The following PTPRM variants were observed in gnomAD, a reference collection of about 807,000 sequenced individuals.
PTPRM encodes the protein protein tyrosine phosphatase receptor type M.
Under a neutral mutation model 186.7 loss-of-function variants are expected in PTPRM, and 47 were observed. The ratio of observed to expected loss-of-function variants is 0.25; its 90% confidence interval spans 0.20 to 0.32. PTPRM has a LOEUF of 0.32. Among genes scored for constraint, PTPRM ranks in the 10% least tolerant of loss-of-function variants. The pLI, the probability that PTPRM is intolerant of heterozygous loss-of-function variation, is 1.00. For missense variants in PTPRM, 1,494 were observed against 1,865.0 expected, an observed-to-expected ratio of 0.80 and a Z score of 3.66; for synonymous variants, 668 against 674.9, an observed-to-expected ratio of 0.99 and a Z score of 0.16.
intron 20 of PTPRM, among the ~76,000 whole-genome samples, chr18:8,306,054 C>T (rs2095218415): frequency 6.6e-6 from 1 of 152,098 alleles, no homozygotes; most frequent in Non-Finnish European, 1.5e-5. Flanking sequence ...CGCATCACCA[C>T]ACCTGGCTAA....
At chr18:7,767,659 T>G (rs1282060640) in intron 1 of PTPRM, among the ~76,000 whole-genome samples, 1 of 152,170 alleles carries the variant, frequency 6.6e-6, no homozygotes, top group Non-Finnish European at 1.5e-5. Flanking sequence ...TTTATTTTCA[T>G]AAATCAAGAA....
chr18:7,710,432 C>T (rs2040187992), intron 1 of PTPRM, among the ~76,000 whole-genome samples: 1 of 152,120 alleles, frequency 6.6e-6, no homozygotes, highest in East Asian at 1.9e-4. Flanking sequence ...AACCCACAGC[C>T]AACATCATAT....
At chr18:8,304,821 A>ATT (rs34216473) in intron 20 of PTPRM, among the ~76,000 whole-genome samples, 17 of 131,322 alleles carry the variant, frequency 1.3e-4, no homozygotes, top group African/African-American at 4.3e-4. Flanking sequence ...TGTTGACTTT[A>ATT]TTTTTTTTTT....
intron 1 of PTPRM, among the ~76,000 whole-genome samples, chr18:7,590,032 T>C (rs533339085): frequency 9.9e-5 from 15 of 152,168 alleles, no homozygotes; most frequent in Non-Finnish European, 1.5e-4. Flanking sequence ...GGTGTTGTTA[T>C]CTTATTACAT....
chr18:8,190,946 C>T (rs981928534), intron 14 of PTPRM, among the ~76,000 whole-genome samples: 2 of 152,190 alleles, frequency 1.3e-5, no homozygotes, highest in Non-Finnish European at 2.9e-5. Context: ...TTAGCAGTTA[C>T]AGACTTGCAT....
chr18:8,348,954 G>C (rs1168041717), intron 23 of PTPRM, among the ~76,000 whole-genome samples: 1 of 152,112 alleles, frequency 6.6e-6, no homozygotes, highest in Non-Finnish European at 1.5e-5. Context: ...TCACAGTAGG[G>C]GATGGGAAGA....
intron 1 of PTPRM, among the ~76,000 whole-genome samples, chr18:7,675,241 C>T (rs975515129): frequency 6.6e-6 from 1 of 152,020 alleles, no homozygotes; most frequent in Non-Finnish European, 1.5e-5. Flanking sequence ...TTCGTTAGGG[C>T]CTTCCTTCTT....
chr18:7,943,533 C>T (rs1446449006), intron 5 of PTPRM, among the ~76,000 whole-genome samples: 1 of 152,170 alleles, frequency 6.6e-6, no homozygotes, highest in East Asian at 1.9e-4. Context: ...CATTGGCATC[C>T]TATTGCTGCT....
intron 1 of PTPRM, among the ~76,000 whole-genome samples, chr18:7,661,241 C>A (rs914324704): frequency 3.9e-5 from 6 of 152,130 alleles, no homozygotes; most frequent in Admixed American, 2.6e-4. Flanking sequence ...ATTCATATTA[C>A]GAGCTAATGT....
At chr18:7,738,867 A>AT (rs1228476422) in intron 1 of PTPRM, among the ~76,000 whole-genome samples, 1 of 151,994 alleles carries the variant, frequency 6.6e-6, no homozygotes, top group East Asian at 1.9e-4. Flanking sequence ...TATCTCATCG[A>AT]TTTGCTGAGC....
At position 8,205,029 on chromosome 18, in the gene PTPRM, A is replaced by T. The variant is rs1485893967; in HGVS notation, c.2301-39029A>T. The stretch of plus-strand genomic sequence containing the variant: ...TTTATTGCGTTTCTCTTACACTGTT[A>T]AACAAAATATTGTGTGGCTAAATGA... On this transcript the variant is annotated intron_variant, in intron 14 of 32. Coordinates refer to ENST00000580170, the MANE Select transcript of PTPRM (RefSeq NM_001105244.2). 2.6e-5 allele frequency among the ~76,000 whole-genome samples: 4 copies of T among 152,316 alleles called. No individual in the cohort carries two copies. The East Asian group carries it at 7.7e-4, about 29-fold the overall frequency.
chr18:8,378,322 T>C lies in PTPRM; in HGVS notation c.3520T>C (p.Ser1174Pro). 1 of 1,613,084 alleles carries C rather than the reference T, an allele frequency of 6.2e-7. No homozygotes were observed. Among genetic ancestry groups the C allele is most frequent in the Non-Finnish European group, 8.5e-7 (1 of 1,179,036 alleles). The change falls in exon 27 of 33, where the codon TCT (serine) becomes CCT (proline). Residue 1174 changes from serine to proline, a missense_variant. Physicochemically the swap from Ser to Pro is moderately conservative, Grantham distance 74. Coordinates refer to ENST00000580170, the MANE Select transcript of PTPRM (RefSeq NM_001105244.2). The stretch of plus-strand genomic sequence containing the variant: ...GGAAGCCTGTCTTTGTGGGGACACC[T>C]CTGTGCCTGCTTCCCAAGTTAGGTC... The part of the protein sequence containing the change: ...ILEACLCGDT[S>P]VPASQVRSLY...
chr18:7,832,138 T>A (rs1352581842), intron 2 of PTPRM, among the ~76,000 whole-genome samples: 1 of 152,192 alleles, frequency 6.6e-6, no homozygotes, highest in Non-Finnish European at 1.5e-5. Context: ...TTTGGATATA[T>A]ATGTGCAGTG....
chr18:7,674,808 C>A (rs1242047730), intron 1 of PTPRM, among the ~76,000 whole-genome samples: 1 of 152,186 alleles, frequency 6.6e-6, no homozygotes, highest in Non-Finnish European at 1.5e-5. Flanking sequence ...CTGTTAAATC[C>A]TGTCTAGCTC....
chr18:7,908,944 C>G (rs1316928277), intron 4 of PTPRM, among the ~76,000 whole-genome samples: 1 of 152,210 alleles, frequency 6.6e-6, no homozygotes, highest in African/African-American at 2.4e-5. Flanking sequence ...AACATAAGAG[C>G]TGTAATTGCA....
rs371647318 is a variant in PTPRM at position 7,761,032 on chromosome 18, G to C, written c.74-13117G>C. 2.3e-4 allele frequency among the ~76,000 whole-genome samples: 35 copies of C among 152,282 alleles called. 1 individual carries two copies. The highest frequency in any genetic ancestry group is 2.1e-3 in the East Asian group (11 of 5,178). ...CATGCTAAAAAGTAAATGGAATATT[G>C]AGTAAACACTCAGTTAGAAAAAGAG... On this transcript the variant is annotated intron_variant, in intron 1 of 32. Transcript: ENST00000580170.
chr18:7,749,160 C>A (rs539727689), intron 1 of PTPRM: 1 of 152,206 alleles, frequency 6.6e-6, no homozygotes, highest in Non-Finnish European at 1.5e-5. Context: ...CCAAGGGGCA[C>A]TGCAGGAACA....
intron 13 of PTPRM, among the ~76,000 whole-genome samples, chr18:8,140,904 CT>C (rs1038236087): frequency 1.2e-4 from 18 of 152,268 alleles, no homozygotes; most frequent in African/African-American, 3.8e-4. Context: ...GAAAACAACT[CT>C]TTTGCCAAGC....
At chr18:7,804,575 ATTGT>A (rs2044140231) in intron 2 of PTPRM, among the ~76,000 whole-genome samples, 1 of 152,122 alleles carries the variant, frequency 6.6e-6, no homozygotes, top group Non-Finnish European at 1.5e-5. Context: ...CTGTTCTCTG[ATTGT>A]TCTCTACAGA....
Sources: allele counts gnomAD v4.1 joint callset (sites outside exome capture counted in the v4.1 genomes callset), GRCh38; gene constraint gnomAD v4.1.1; transcripts MANE v1.5; gene names NCBI Gene and HGNC (gene_info 2026-07-23, HGNC 2026-07-21).